RETREG1: variants seen among roughly 807,000 people sequenced by gnomAD.
The protein encoded by RETREG1 is reticulophagy regulator 1.
A neutral mutation model predicts 54.8 loss-of-function variants in RETREG1; 44 were observed. The observed-to-expected ratio is 0.80, with a 90% CI of 0.63 to 1.03. The LOEUF is 1.03. RETREG1 is among the 50% of genes least tolerant of loss of function. RETREG1 has a pLI of 0.00. For missense variants in RETREG1, 554 were observed against 605.1 expected (o/e 0.92, Z 0.89); for synonymous variants, 217 against 238.5 (o/e 0.91, Z 0.83).
intron 3 of RETREG1, among the ~76,000 whole-genome samples, chr5:16,546,219 G>A (rs1039896984): frequency 6.6e-6 from 1 of 151,902 alleles, no homozygotes; most frequent in Non-Finnish European, 1.5e-5. Flanking sequence ...CTAGGCTGGA[G>A]TACACTGACA....
rs890792979 is a variant in RETREG1 at position 16,562,679 on chromosome 5, C to T, written c.458+3084G>A. ...ATTTTTCTCCCAAAAACACATACCC[C>T]CAATCTAATCATGAGAAAAACATCA... On this transcript the variant is annotated intron_variant, in intron 3 of 8. Transcript: ENST00000306320. 6.6e-5 allele frequency among the ~76,000 whole-genome samples: 10 copies of T among 152,256 alleles called. No homozygotes were observed. The East Asian group carries it at 1.9e-3, about 29-fold the overall frequency.
chr5:16,517,094 A>G (rs13181103), intron 3 of RETREG1, among the ~76,000 whole-genome samples: 20 of 90,416 alleles, frequency 2.2e-4, no homozygotes, highest in Non-Finnish European at 1.0e-4. Flanking sequence ...TAGGAGTCTT[A>G]GAATGAGGAG....
At chr5:16,506,674 C>T (rs148410696) in intron 3 of RETREG1, among the ~76,000 whole-genome samples, 1,575 of 152,120 alleles carry the variant, frequency 0.01, 12 homozygotes, top group Non-Finnish European at 0.015. Context: ...GTGTGAGCCA[C>T]GGCACCAGGC....
intron 3 of RETREG1, 87 bp downstream of exon 3, chr5:16,565,676 A>G: frequency 2.1e-6 from 3 of 1,401,938 alleles, no homozygotes; most frequent in Non-Finnish European, 3.0e-6. Flanking sequence ...TGTCACTAAA[A>G]TTCTATTTCA....
chr5:16,520,318 T>G (rs558868250), intron 3 of RETREG1, among the ~76,000 whole-genome samples: 56 of 92,768 alleles, frequency 6.0e-4, no homozygotes, highest in African/African-American at 1.2e-3. Flanking sequence ...GGTTTTGTGG[T>G]TTTTTTTTTG....
chr5:16,519,400 G>T (rs530079302), intron 3 of RETREG1, among the ~76,000 whole-genome samples: 66 of 152,302 alleles, frequency 4.3e-4, no homozygotes, highest in African/African-American at 1.4e-3. Context: ...CCCTGACTCA[G>T]GTCCTTGGAA....
chr5:16,609,833 G>A (rs1579728848), intron 1 of RETREG1, among the ~76,000 whole-genome samples: 1 of 152,194 alleles, frequency 6.6e-6, no homozygotes, highest in Admixed American at 6.5e-5. Flanking sequence ...GGAAAACACT[G>A]ACCAGTGAGT....
chr5:16,525,784 T>A (rs1466087484), intron 3 of RETREG1, among the ~76,000 whole-genome samples: 2 of 129,886 alleles, frequency 1.5e-5, no homozygotes, highest in Admixed American at 7.8e-5. Context: ...AGAGAGAGAT[T>A]GATTTTAAGG....
In RETREG1 at chr5:16,585,442, A is replaced by C. The variant is rs1189582388; in HGVS notation, c.321-13340T>G. ...TTATGAGAAAAGCCATGGGTAAATC[A>C]AGTCAGGGGCACCCTAGGGCAGTGC... On this transcript the variant is annotated intron_variant, in intron 1 of 8. Coordinates refer to ENST00000306320, the MANE Select transcript of RETREG1 (RefSeq NM_001034850.3). This position sits in a 1 kb window ranked among gnomAD's most constrained non-coding sequence, Gnocchi z 4.5. Among the ~76,000 whole-genome samples, 1 of 152,130 alleles carries C rather than the reference A, an allele frequency of 6.6e-6. No individual in the cohort carries two copies. The highest frequency in any genetic ancestry group is 2.4e-5 in the African/African-American group (1 of 41,428).
chr5:16,571,566 T>C (rs1202571376), intron 2 of RETREG1, among the ~76,000 whole-genome samples: 1 of 152,164 alleles, frequency 6.6e-6, no homozygotes, highest in Non-Finnish European at 1.5e-5. Context: ...ATTCATTTTT[T>C]ATTATCAACT....
At chr5:16,595,841 C>T (rs182259400) in intron 1 of RETREG1, among the ~76,000 whole-genome samples, 3 of 152,090 alleles carry the variant, frequency 2.0e-5, no homozygotes, top group Admixed American at 6.6e-5. Context: ...TGGAAGATTA[C>T]GAGGAGATCT....
chr5:16,492,979 C>T (rs1739309355), intron 3 of RETREG1, among the ~76,000 whole-genome samples: 1 of 152,204 alleles, frequency 6.6e-6, no homozygotes, highest in Admixed American at 6.5e-5. Context: ...CCTCCCAAGG[C>T]CAGGGACCAG....
At chr5:16,566,888 G>A (rs866161960) in intron 2 of RETREG1, among the ~76,000 whole-genome samples, 88 of 152,190 alleles carry the variant, frequency 5.8e-4, no homozygotes, top group African/African-American at 2.1e-3. Context: ...AAAGAATGCA[G>A]GGGACTGTGA....
intron 4 of RETREG1, 105 bp from the exon 5 acceptor site, chr5:16,481,198 AC>A (rs1167222290): frequency 5.8e-6 from 5 of 867,230 alleles, no homozygotes; most frequent in Non-Finnish European, 9.5e-6. Flanking sequence ...GGTATAAGTG[AC>A]CTATCTGGTT....
At chr5:16,542,300 C>T (rs1283567977) in intron 3 of RETREG1, among the ~76,000 whole-genome samples, 2 of 152,220 alleles carry the variant, frequency 1.3e-5, no homozygotes, top group Admixed American at 1.3e-4. Context: ...CAATACCTCA[C>T]CTGACTTCTG....
At chr5:16,514,645 T>C (rs1740287059) in intron 3 of RETREG1, among the ~76,000 whole-genome samples, 1 of 151,976 alleles carries the variant, frequency 6.6e-6, no homozygotes, top group South Asian at 2.1e-4. Flanking sequence ...GAGCAGTTTA[T>C]ACGGTACCCA....
At chr5:16,494,246 T>G (rs920251867) in intron 3 of RETREG1, among the ~76,000 whole-genome samples, 1 of 152,126 alleles carries the variant, frequency 6.6e-6, no homozygotes, top group African/African-American at 2.4e-5. Flanking sequence ...AATGGTAAAT[T>G]AATAAATATA....
chr5:16,547,238 C>T (rs1415475309), intron 3 of RETREG1, among the ~76,000 whole-genome samples: 1 of 152,184 alleles, frequency 6.6e-6, no homozygotes, highest in Non-Finnish European at 1.5e-5. Context: ...GAAAGTGTCA[C>T]CTCCTTTCTC....
At chr5:16,599,318 T>C (rs993106199) in intron 1 of RETREG1, among the ~76,000 whole-genome samples, 2 of 152,232 alleles carry the variant, frequency 1.3e-5, no homozygotes, top group African/African-American at 4.8e-5. Flanking sequence ...CTCCATTCAC[T>C]AATATTCTAA....
Sources: allele counts gnomAD v4.1 joint callset (sites outside exome capture counted in the v4.1 genomes callset), GRCh38; gene constraint gnomAD v4.1.1; non-coding constraint Gnocchi (gnomAD v3.1); transcripts MANE v1.5; gene names NCBI Gene and HGNC (gene_info 2026-07-23, HGNC 2026-07-21).